The following FSHR variants were observed in gnomAD, a reference collection of about 807,000 sequenced individuals.
The protein encoded by FSHR is follicle stimulating hormone receptor.
In FSHR, 46 loss-of-function variants were observed where a neutral mutation model predicts 52.1. The ratio of observed to expected loss-of-function variants is 0.88; its 90% CI spans 0.70 to 1.13. The LOEUF (loss-of-function observed/expected upper bound fraction) is 1.13. Ranked by LOEUF, FSHR falls within the 50% of genes most tolerant of loss-of-function variation. The pLI, the probability that FSHR is intolerant of heterozygous loss-of-function variation, is 0.00. For missense variants in FSHR, 964 were observed against 834.6 expected, an observed-to-expected ratio of 1.16 and a Z score of -1.91; for synonymous variants, 399 against 309.6, an observed-to-expected ratio of 1.29 and a Z score of -3.03.
chr2:49,103,003 T>C (rs11675903), intron 1 of FSHR, among the ~76,000 whole-genome samples: 34,258 of 152,048 alleles, frequency 0.23, 3,886 homozygotes, highest in East Asian at 0.29. Context: ...AGACATTTTT[T>C]CTCTAATCTT....
rs550320631 is a variant in FSHR, at chr2:49,020,023, A to G, written c.299+63T>C. The G allele has an allele frequency of 1.1e-5, 15 of 1,370,718 alleles. No individual in the cohort carries two copies. In the East Asian group the frequency reaches 1.8e-4, roughly 17 times the overall value. 84.9% of individuals were successfully genotyped at this position (1,370,718 alleles called of 1,614,324 possible). ...CAGAATCAGGGCCTCCCAGGAATGT[A>G]GAAGAACTTTAAGGGTTTTTTCAAG... On this transcript the variant is annotated intron_variant, in intron 3 of 9. Transcript: ENST00000406846.
intron 2 of FSHR, among the ~76,000 whole-genome samples, chr2:49,061,057 A>G (rs1669270160): frequency 6.6e-6 from 1 of 152,100 alleles, no homozygotes. Context: ...TGAGGGATCA[A>G]GGTAGTACTG....
intron 4 of FSHR, among the ~76,000 whole-genome samples, chr2:48,999,953 A>G (rs1676183685): frequency 1.3e-5 from 2 of 152,116 alleles, no homozygotes; most frequent in Non-Finnish European, 2.9e-5. Flanking sequence ...CTGTAGACTA[A>G]TTCTTCAAAA....
chr2:49,015,425 C>T (rs867455715), intron 4 of FSHR, among the ~76,000 whole-genome samples: 1 of 152,146 alleles, frequency 6.6e-6, no homozygotes, highest in East Asian at 1.9e-4. Context: ...TCTACAAATA[C>T]ATTTATTAAT....
At chr2:49,038,798 G>A (rs912131898) in intron 2 of FSHR, among the ~76,000 whole-genome samples, 12 of 151,836 alleles carry the variant, frequency 7.9e-5, no homozygotes, top group African/African-American at 2.9e-4. Context: ...ATAGAACAAA[G>A]TGACACTGAT....
intron 1 of FSHR, among the ~76,000 whole-genome samples, chr2:49,114,947 T>C (rs528699746): frequency 1.1e-4 from 17 of 152,038 alleles, no homozygotes; most frequent in African/African-American, 3.9e-4. Context: ...CATTGCCCAG[T>C]GCTAAAACCA....
At chr2:49,053,845 C>T (rs893976281) in intron 2 of FSHR, among the ~76,000 whole-genome samples, 6 of 152,150 alleles carry the variant, frequency 3.9e-5, no homozygotes, top group African/African-American at 7.2e-5. Context: ...GAAATAAACT[C>T]ATCAAATGCC....
chr2:49,020,060 G>T (rs888330143), intron 3 of FSHR, 26 bp downstream of exon 3: 1 of 1,602,248 alleles, frequency 6.2e-7, no homozygotes, highest in South Asian at 1.1e-5. Flanking sequence ...ATGGCCATGA[G>T]CAAATCCCCC....
intron 1 of FSHR, among the ~76,000 whole-genome samples, chr2:49,094,989 A>T (rs1670767822): frequency 6.6e-6 from 1 of 152,120 alleles, no homozygotes; most frequent in Non-Finnish European, 1.5e-5. Context: ...AACAAAAAGG[A>T]TTATGTGAAT....
At chr2:49,150,565 T>A (rs1673026875) in intron 1 of FSHR, among the ~76,000 whole-genome samples, 1 of 152,106 alleles carries the variant, frequency 6.6e-6, no homozygotes, top group Admixed American at 6.6e-5. Flanking sequence ...TAGGCACACA[T>A]GGTGATTTCC....
intron 8 of FSHR, among the ~76,000 whole-genome samples, chr2:48,980,640 C>T (rs1021723577): frequency 6.6e-6 from 1 of 152,160 alleles, no homozygotes; most frequent in Admixed American, 6.5e-5. Flanking sequence ...AGCTCACAAC[C>T]AGTTTCAGGG....
At chr2:49,024,289 T>A (rs1393787667) in intron 2 of FSHR, among the ~76,000 whole-genome samples, 2 of 151,150 alleles carry the variant, frequency 1.3e-5, no homozygotes, top group East Asian at 3.9e-4. Flanking sequence ...AAAAAAAAAA[T>A]AAGGGCCGGG....
At position 49,036,497 on chromosome 2, in the gene FSHR, G is replaced by GTATATC. The variant is rs67442791; in HGVS notation, c.225-16343_225-16338dup. ...TACCTATTTCTCTATATTTGCATCT[G>GTATATC]TATATCTATATCTATATCTATATCT... On this transcript the variant is annotated intron_variant, in intron 2 of 9. Transcript: ENST00000406846. Among the ~76,000 whole-genome samples, 1,448 of 150,832 alleles carry GTATATC rather than the reference G, an allele frequency of 9.6e-3. 46 individuals are homozygous for GTATATC. The East Asian group carries it at 0.11, about 11-fold the overall frequency.
chr2:49,018,970 T>C (rs1009173618), intron 3 of FSHR, among the ~76,000 whole-genome samples: 1 of 152,236 alleles, frequency 6.6e-6, no homozygotes, highest in Admixed American at 6.5e-5. Flanking sequence ...CAAGTTCTTA[T>C]TTGTGTGTGG....
Position 49,154,510 on chromosome 2 carries a change from A to G in FSHR, c.-93T>C. On this transcript the variant is annotated 5_prime_UTR_variant, in exon 1 of 10. Transcript: ENST00000406846. ...CTCCACACAGTGCCCTTATGAGAAG[A>G]GATCTGACTTGAGAACTGGTAGGGT... 7.5e-7 allele frequency: 1 copy of G among 1,332,010 alleles called. No individual in the cohort carries two copies. Among genetic ancestry groups the G allele is most frequent in the Non-Finnish European group, 1.1e-6 (1 of 935,694 alleles). The allele number at this position is 1,332,010 out of a possible 1,614,324, so 82.5% of individuals were successfully genotyped here.
At position 48,963,897 on chromosome 2, in the gene FSHR, C is replaced by T. The variant is rs1471027603; in HGVS notation, c.924G>A (p.Arg308=). The change falls in exon 10 of 10, where the codon AGG becomes AGA. Residue 308 remains arginine (R), a synonymous_variant. Transcript: ENST00000406846. ...RQEVDYMTQA[R]GQRSSLAEDN... is the part of the protein sequence containing the mutation. ...CTTCTGCCAGAGAGGATCTCTGACC[C>T]CTAGCCTGAGTCATATAATCAACTT... 5 of 1,613,376 alleles carry T rather than the reference C, an allele frequency of 3.1e-6. No homozygotes were observed. The Admixed American group carries it at 8.3e-5, about 27-fold the overall frequency.
Position 48,963,771 on chromosome 2 carries a change from T to C in FSHR, c.1050A>G (p.Pro350=). ...EVVDVTCSPK[P]DAFNPCEDIM... ...TATCTTCACATGGGTTGAATGCATC[T>C]GGCTTAGGGGAGCAGGTCACGTCAA... Residue 350 remains proline (P), a synonymous_variant, in exon 10 of 10, where the codon CCA becomes CCG. Coordinates refer to ENST00000406846, the MANE Select transcript of FSHR (RefSeq NM_000145.4). 1 of 1,614,162 alleles carries C rather than the reference T, an allele frequency of 6.2e-7. No individual in the cohort carries two copies. Among genetic ancestry groups the C allele is most frequent in the Non-Finnish European group, 8.5e-7 (1 of 1,180,016 alleles).
At chr2:48,993,417 C>T (rs367867366) in intron 4 of FSHR, among the ~76,000 whole-genome samples, 9 of 152,112 alleles carry the variant, frequency 5.9e-5, no homozygotes, top group South Asian at 2.1e-4. Context: ...TCTCACGTTC[C>T]GATATCCAGC....
At chr2:49,139,910 A>T (rs1005112284) in intron 1 of FSHR, among the ~76,000 whole-genome samples, 1 of 152,104 alleles carries the variant, frequency 6.6e-6, no homozygotes, top group Admixed American at 6.6e-5. Context: ...AAGAAATTTT[A>T]TGTTTCAAAT....
Sources: gnomAD v4.1 joint callset for allele counts (sites outside exome capture counted in the v4.1 genomes callset) on GRCh38, gnomAD v4.1.1 for gene constraint, MANE v1.5 for transcripts, NCBI Gene and HGNC (gene_info 2026-07-23, HGNC 2026-07-21) for gene names.